The following ADGRL3 variants were observed in gnomAD, a reference collection of about 807,000 sequenced individuals.
ADGRL3 encodes adhesion G protein-coupled receptor L3.
In ADGRL3, 62 loss-of-function variants were observed where a neutral mutation model predicts 153.5. The ratio of observed to expected loss-of-function variants is 0.40; its 90% CI spans 0.33 to 0.50. The LOEUF is 0.50. Among genes scored for constraint, ADGRL3 ranks in the 20% least tolerant of loss-of-function variants. The pLI, the probability that ADGRL3 is intolerant of heterozygous loss-of-function variation, is 0.47. For missense variants in ADGRL3, 1,641 were observed against 1,859.4 expected (o/e 0.88, Z 2.16); for synonymous variants, 710 against 672.5 (o/e 1.06, Z -0.86).
chr4:61,586,820 A>G (rs980349779), intron 4 of ADGRL3, among the ~76,000 whole-genome samples: 1 of 152,094 alleles, frequency 6.6e-6, no homozygotes, highest in African/African-American at 2.4e-5. Flanking sequence ...AAAGTCAACA[A>G]TAGTGCAATT....
intron 17 of ADGRL3, among the ~76,000 whole-genome samples, chr4:61,967,139 A>T (rs2099009909): frequency 6.6e-6 from 1 of 152,124 alleles, no homozygotes; most frequent in African/African-American, 2.4e-5. Context: ...AGTGTGAAAA[A>T]ATGTATTAAT....
intron 1 of ADGRL3, among the ~76,000 whole-genome samples, chr4:61,272,693 A>C (rs1182859924): frequency 6.6e-6 from 1 of 151,758 alleles, no homozygotes; most frequent in African/African-American, 2.4e-5. Flanking sequence ...ATTTAGAATG[A>C]AAAGTAGCTT....
chr4:61,446,027 T>C (rs1357564288), intron 2 of ADGRL3, among the ~76,000 whole-genome samples: 1 of 152,216 alleles, frequency 6.6e-6, no homozygotes, highest in Non-Finnish European at 1.5e-5. Context: ...GTATATAGCA[T>C]ACAGCCTAGA....
chr4:61,483,821 A>G (rs2098159602), intron 2 of ADGRL3, among the ~76,000 whole-genome samples: 1 of 151,176 alleles, frequency 6.6e-6, no homozygotes, highest in Non-Finnish European at 1.5e-5. Flanking sequence ...TAAAAACTAT[A>G]TGCTATCATA....
intron 2 of ADGRL3, among the ~76,000 whole-genome samples, chr4:61,429,379 G>A (rs190697749): frequency 1.3e-5 from 2 of 152,264 alleles, no homozygotes; most frequent in East Asian, 3.9e-4. Flanking sequence ...AAAGGTGAAA[G>A]AATCAGTCAT....
intron 11 of ADGRL3, among the ~76,000 whole-genome samples, chr4:61,907,733 C>G (rs1270034961): frequency 6.6e-6 from 1 of 151,858 alleles, no homozygotes; most frequent in Admixed American, 6.6e-5. Context: ...TTCTTAATTG[C>G]TATATTTTGC....
intron 1 of ADGRL3, among the ~76,000 whole-genome samples, chr4:61,217,892 A>G (rs890389761): frequency 6.6e-6 from 1 of 152,224 alleles, no homozygotes; most frequent in South Asian, 2.1e-4. Context: ...AGTGCTAAAG[A>G]CAAGGCTGTG....
At chr4:61,852,722 T>C (rs529123976) in intron 9 of ADGRL3, among the ~76,000 whole-genome samples, 1 of 152,328 alleles carries the variant, frequency 6.6e-6, no homozygotes, top group South Asian at 2.1e-4. Flanking sequence ...AAATTAAATA[T>C]GAAAAAGTCT....
At chr4:61,504,538 T>G (rs1579225201) in intron 3 of ADGRL3, among the ~76,000 whole-genome samples, 1 of 152,164 alleles carries the variant, frequency 6.6e-6, no homozygotes, top group East Asian at 1.9e-4. Context: ...TATTTTGAAA[T>G]ATACAATAAA....
Position 61,457,865 on chromosome 4 carries a change from G to T in ADGRL3, c.-173-39256G>T, listed in dbSNP as rs572924701. ...ATCACAGATGACAGATAGATAGATA[G>T]ATAGATAGATAGATAGATAGATAGA... On this transcript the variant is annotated intron_variant, in intron 2 of 26. Coordinates refer to ENST00000683033, the MANE Select transcript of ADGRL3 (RefSeq NM_001387552.1). Among the ~76,000 whole-genome samples the T allele has an allele frequency of 4.0e-5, 6 of 151,502 alleles. No individual in the cohort carries two copies. The East Asian group carries it at 9.7e-4, about 25-fold the overall frequency.
intron 8 of ADGRL3, among the ~76,000 whole-genome samples, chr4:61,797,108 T>C (rs2097424442): frequency 6.6e-6 from 1 of 152,182 alleles, no homozygotes. Flanking sequence ...CCCTTGCCTT[T>C]TATCCTTACA....
chr4:61,795,540 A>T (rs1386371847), intron 8 of ADGRL3, among the ~76,000 whole-genome samples: 1 of 152,212 alleles, frequency 6.6e-6, no homozygotes, highest in Non-Finnish European at 1.5e-5. Context: ...ATTTCCATTT[A>T]ACTATGTCTA....
chr4:61,959,566 T>G (rs2150462058), intron 17 of ADGRL3, among the ~76,000 whole-genome samples: 1 of 152,276 alleles, frequency 6.6e-6, no homozygotes, highest in Middle Eastern at 3.4e-3. Flanking sequence ...TTCAAAACAG[T>G]CACAGTTTGG....
chr4:61,436,768 A>G (rs2097451685), intron 2 of ADGRL3, among the ~76,000 whole-genome samples: 1 of 152,136 alleles, frequency 6.6e-6, no homozygotes, highest in South Asian at 2.1e-4. Context: ...TGAAAATCAT[A>G]GTGGTAAGGT....
chr4:61,273,608 T>G (rs939825463), intron 1 of ADGRL3, among the ~76,000 whole-genome samples: 1 of 152,210 alleles, frequency 6.6e-6, no homozygotes, highest in Non-Finnish European at 1.5e-5. Context: ...ATGTGCCATT[T>G]TACAAGTGCT....
chr4:61,643,298 T>A (rs947096558), intron 5 of ADGRL3, among the ~76,000 whole-genome samples: 1 of 151,200 alleles, frequency 6.6e-6, no homozygotes, highest in East Asian at 1.9e-4. Flanking sequence ...CCTGCCTAAT[T>A]GCCCTGGCCA....
Position 61,904,206 on chromosome 4 carries a change from G to A in ADGRL3, c.1888-5354G>A, listed in dbSNP as rs1464718654. The stretch of plus-strand genomic sequence containing the variant: ...AAAAAAAAAAAAACACTTCTTGAAT[G>A]CCAAAATACTGTTACTATTTTCAAG... On this transcript the variant is annotated intron_variant, in intron 11 of 26. Coordinates refer to ENST00000683033, the MANE Select transcript of ADGRL3 (RefSeq NM_001387552.1). 2.9e-5 allele frequency among the ~76,000 whole-genome samples: 4 copies of A among 139,568 alleles called. No homozygotes were observed. In the South Asian group the frequency reaches 6.8e-4, roughly 24 times the overall value. The allele number at this position is 139,568 out of a possible 152,430, so 91.6% of individuals were successfully genotyped here. A position where few individuals can be genotyped will look rare whatever the true frequency, so the allele number is the denominator to read the frequency against.
rs1488488387 is a variant in ADGRL3, at chr4:62,078,179, A to G, written c.*7271A>G. On this transcript the variant is annotated 3_prime_UTR_variant, in exon 27 of 27. Transcript: ENST00000683033. ...GCTTAGGATTCTCATATATTTACAC[A>G]TGGCATTATTCTTTTCATATACACC... is the stretch of plus-strand genomic sequence containing the variant. The G allele has an allele frequency of 1.3e-5, 2 of 151,942 alleles. No individual in the cohort carries two copies. The highest frequency in any genetic ancestry group is 1.9e-4 in the East Asian group (1 of 5,186). The allele number at this position is 151,942 out of a possible 1,614,324, so 9.4% of individuals were successfully genotyped here.
chr4:61,999,004 G>A (rs2099131424), intron 21 of ADGRL3, among the ~76,000 whole-genome samples: 1 of 152,158 alleles, frequency 6.6e-6, no homozygotes, highest in Non-Finnish European at 1.5e-5. Flanking sequence ...CATCACAGAA[G>A]AGGAACCCTG....
Sources: gnomAD v4.1 joint callset for allele counts (sites outside exome capture counted in the v4.1 genomes callset) on GRCh38, gnomAD v4.1.1 for gene constraint, MANE v1.5 for transcripts, NCBI Gene and HGNC (gene_info 2026-07-23, HGNC 2026-07-21) for gene names.